TMEM178B: variants seen among roughly 807,000 people sequenced by gnomAD.
The protein encoded by TMEM178B is transmembrane protein 178B.
A neutral mutation model predicts 31.0 loss-of-function variants in TMEM178B; 5 were observed. The ratio of observed to expected loss-of-function variants is 0.16; its 90% CI spans 0.08 to 0.34. The LOEUF (loss-of-function observed/expected upper bound fraction) is 0.34. TMEM178B is among the 10% of genes least tolerant of loss of function. The pLI is 1.00. For synonymous variants in TMEM178B, 164 were observed against 164.0 expected (o/e 1.00, Z 0.00); for missense variants, 275 against 400.3 (o/e 0.69, Z 2.67).
intron 2 of TMEM178B, among the ~76,000 whole-genome samples, chr7:141,248,930 T>C (rs1797784169): frequency 6.6e-6 from 1 of 152,254 alleles, no homozygotes; most frequent in Non-Finnish European, 1.5e-5. Flanking sequence ...ATGGATACAC[T>C]TTAGCCGGTG....
At chr7:141,417,269 C>T (rs768283876) in intron 2 of TMEM178B, among the ~76,000 whole-genome samples, 2 of 152,132 alleles carry the variant, frequency 1.3e-5, no homozygotes, top group Non-Finnish European at 2.9e-5. Flanking sequence ...CTGTGAGAGA[C>T]ACAAAGAAGA....
chr7:141,094,443 A>G (rs1387894162), intron 1 of TMEM178B, among the ~76,000 whole-genome samples: 2 of 152,132 alleles, frequency 1.3e-5, no homozygotes, highest in Non-Finnish European at 2.9e-5. Context: ...ACTCTATTCT[A>G]TTTGGGTATG....
downstream of TMEM178B, among the ~76,000 whole-genome samples, chr7:141,481,759 C>T (rs1488464631): frequency 5.9e-5 from 9 of 152,112 alleles, no homozygotes; most frequent in Admixed American, 2.6e-4. Context: ...CCCACCCCAC[C>T]TTGATAGTAA....
the TMEM178B span, among the ~76,000 whole-genome samples, chr7:141,503,033 ACCCCTCCCCTCAT>A: frequency 6.6e-6 from 1 of 151,820 alleles, no homozygotes; most frequent in South Asian, 2.1e-4. Context: ...CTGATCCATA[ACCCCTCCCCTCAT>A]CCACCCAGCT....
At chr7:141,368,938 A>G (rs965700516) in intron 2 of TMEM178B, among the ~76,000 whole-genome samples, 3 of 152,146 alleles carry the variant, frequency 2.0e-5, no homozygotes, top group African/African-American at 7.2e-5. Context: ...AGGGGTTGTT[A>G]GTGAGTGTTT....
intron 1 of TMEM178B, among the ~76,000 whole-genome samples, chr7:141,162,752 A>T (rs114485787): frequency 1.2e-3 from 182 of 152,336 alleles, no homozygotes; most frequent in East Asian, 6.9e-3. Flanking sequence ...TATTGTGTAG[A>T]TAACTCAGCA....
At chr7:141,195,024 C>T (rs1170593783) in intron 1 of TMEM178B, among the ~76,000 whole-genome samples, 3 of 152,304 alleles carry the variant, frequency 2.0e-5, no homozygotes, top group Admixed American at 6.5e-5. Context: ...GCACACAGCA[C>T]GGGGACCCTG....
intron 1 of TMEM178B, among the ~76,000 whole-genome samples, chr7:141,086,355 A>G (rs1794788057): frequency 6.6e-6 from 1 of 152,226 alleles, no homozygotes; most frequent in South Asian, 2.1e-4. Context: ...ATATTAAAAC[A>G]TGTATTTCAA....
At chr7:141,438,876 A>G (rs1801604292) in intron 3 of TMEM178B, among the ~76,000 whole-genome samples, 1 of 41,944 alleles carries the variant, frequency 2.4e-5, no homozygotes, top group Non-Finnish European at 8.1e-5. Context: ...ATTCCGTCTC[A>G]AAAAAAAAGA....
chr7:141,308,344 G>A (rs1798852571), intron 2 of TMEM178B, among the ~76,000 whole-genome samples: 5 of 152,198 alleles, frequency 3.3e-5, no homozygotes, highest in Admixed American at 3.3e-4. Context: ...CATTGGAAAT[G>A]TGTTGTACAT....
intron 2 of TMEM178B, among the ~76,000 whole-genome samples, chr7:141,284,535 T>A (rs1450117369): frequency 6.6e-6 from 1 of 152,248 alleles, no homozygotes; most frequent in Non-Finnish European, 1.5e-5. Context: ...AATTTATCGT[T>A]AGGAAGACGA....
intron 3 of TMEM178B, among the ~76,000 whole-genome samples, chr7:141,455,161 C>T (rs998222225): frequency 6.6e-6 from 1 of 152,178 alleles, no homozygotes; most frequent in Non-Finnish European, 1.5e-5. Context: ...CCTTTCTTGA[C>T]CTCTCTATCC....
intron 1 of TMEM178B, among the ~76,000 whole-genome samples, chr7:141,114,424 T>C (rs2129175540): frequency 6.6e-6 from 1 of 152,146 alleles, no homozygotes; most frequent in East Asian, 1.9e-4. Flanking sequence ...AGCTGCACTG[T>C]ATATCTCTCC....
chr7:141,460,176 T>A (rs1165651101), intron 3 of TMEM178B, among the ~76,000 whole-genome samples: 1 of 152,164 alleles, frequency 6.6e-6, no homozygotes, highest in Non-Finnish European at 1.5e-5. Flanking sequence ...GCTAAAACAT[T>A]ACAAATTAAT....
chr7:141,239,573 C>T (rs1797584120), intron 2 of TMEM178B, among the ~76,000 whole-genome samples: 1 of 152,192 alleles, frequency 6.6e-6, no homozygotes, highest in Admixed American at 6.5e-5. Context: ...CCTCGAGTCT[C>T]AGCAGGGGGA....
chr7:141,468,160 C>T (rs1162256890), intron 3 of TMEM178B, among the ~76,000 whole-genome samples: 1 of 152,108 alleles, frequency 6.6e-6, no homozygotes, highest in Admixed American at 6.5e-5. Context: ...TATCTTTCTC[C>T]AGTAAAAACT....
intron 2 of TMEM178B, among the ~76,000 whole-genome samples, chr7:141,258,058 C>T (rs565438642): frequency 2.6e-5 from 4 of 151,782 alleles, no homozygotes; most frequent in South Asian, 4.2e-4. Flanking sequence ...TTCAGTTTAT[C>T]ATAATCTACT....
At chr7:141,507,661 G>A in the TMEM178B span, among the ~76,000 whole-genome samples, 128 of 152,336 alleles carry the variant, frequency 8.4e-4, 1 homozygote, top group Middle Eastern at 3.4e-3. Flanking sequence ...ATGCGCCACC[G>A]CGCCTGGCCC....
chr7:141,100,326 CT>C (rs1211591512), intron 1 of TMEM178B, among the ~76,000 whole-genome samples: 2 of 151,582 alleles, frequency 1.3e-5, no homozygotes, highest in African/African-American at 4.9e-5. Context: ...TCCTTTGGAA[CT>C]TTTGATTGAG....
Sources: allele counts gnomAD v4.1 joint callset (sites outside exome capture counted in the v4.1 genomes callset), GRCh38; gene constraint gnomAD v4.1.1; transcripts MANE v1.5; gene names NCBI Gene and HGNC (gene_info 2026-07-23, HGNC 2026-07-21).